Variants in OSBPL10 observed in about 807,000 individuals in gnomAD.
OSBPL10 encodes the protein oxysterol-binding protein-related protein 10.
A neutral mutation model predicts 81.7 loss-of-function variants in OSBPL10; 49 were observed. The observed-to-expected ratio is 0.60, with a 90% confidence interval of 0.48 to 0.76. The LOEUF is 0.76. OSBPL10 is among the 30% of genes least tolerant of loss of function. The pLI is 0.00. For synonymous variants in OSBPL10, 419 were observed against 383.6 expected (o/e 1.09, Z -1.08); for missense variants, 923 against 987.8 (o/e 0.93, Z 0.88).
At chr3:31,764,286 C>T (rs56052453) in intron 4 of OSBPL10, among the ~76,000 whole-genome samples, 4,082 of 152,308 alleles carry the variant, frequency 0.027, 67 homozygotes, top group Non-Finnish European at 0.039. Flanking sequence ...TATCTCTCTC[C>T]ACGGCCCAGC....
intron 1 of OSBPL10, among the ~76,000 whole-genome samples, chr3:31,937,289 AAAAAG>A (rs1697402727): frequency 6.6e-6 from 1 of 152,024 alleles, no homozygotes. Flanking sequence ...AAAAAAAAAA[AAAAAG>A]AAAGAAAGTC....
chr3:31,934,172 T>G (rs186644999), intron 1 of OSBPL10, among the ~76,000 whole-genome samples: 37 of 150,852 alleles, frequency 2.5e-4, no homozygotes, highest in Non-Finnish European at 5.2e-4. Context: ...CTGTTTGTTG[T>G]TTTTACAAAA....
intron 1 of OSBPL10, among the ~76,000 whole-genome samples, chr3:32,067,111 G>C (rs1007513495): frequency 1.3e-5 from 2 of 151,904 alleles, no homozygotes; most frequent in African/African-American, 4.8e-5. Context: ...AAAACTGACT[G>C]TTCTTCTATA....
At chr3:31,910,007 G>T (rs1696528336) in intron 1 of OSBPL10, among the ~76,000 whole-genome samples, 1 of 136,684 alleles carries the variant, frequency 7.3e-6, no homozygotes, top group Admixed American at 7.7e-5. Context: ...TTTTTAGATG[G>T]AACCTTGCTC....
intron 4 of OSBPL10, among the ~76,000 whole-genome samples, chr3:31,801,357 G>A (rs1216005090): frequency 2.6e-5 from 4 of 152,142 alleles, no homozygotes; most frequent in Non-Finnish European, 5.9e-5. Context: ...ATGACTAGAC[G>A]GGAAAAGTCT....
chr3:31,665,376 G>A (rs928490911), intron 10 of OSBPL10, among the ~76,000 whole-genome samples: 1 of 152,004 alleles, frequency 6.6e-6, no homozygotes, highest in Non-Finnish European at 1.5e-5. Context: ...TCACCCAGGG[G>A]CAAGTGAATG....
chr3:31,747,799 A>T, intron 5 of OSBPL10, 111 bp downstream of exon 5: 1 of 1,135,920 alleles, frequency 8.8e-7, no homozygotes. Flanking sequence ...GGATATAAGG[A>T]TAGATGGATG....
At position 31,789,215 on chromosome 3, in the gene OSBPL10, T is replaced by C. The variant is rs561248725; in HGVS notation, c.729+40825A>G. ...CTGGGATTACAGGTGTGAGCCACCATGTCCGGCTAGGATGTTTATTTCATA... is the reference window on the plus strand; with the variant it reads ...CTGGGATTACAGGTGTGAGCCACCACGTCCGGCTAGGATGTTTATTTCATA... On this transcript the variant is annotated intron_variant, in intron 4 of 11. Transcript: ENST00000396556. 8.5e-5 allele frequency among the ~76,000 whole-genome samples: 13 copies of C among 152,318 alleles called. No individual in the cohort carries two copies. In the East Asian group the frequency reaches 2.1e-3, roughly 25 times the overall value.
In OSBPL10 at chr3:31,888,205, C is replaced by T. The variant is rs138305336; in HGVS notation, c.282-8375G>A. Among the ~76,000 whole-genome samples, 954 of 152,220 alleles carry T rather than the reference C, an allele frequency of 6.3e-3. 4 individuals carry two copies. Among genetic ancestry groups the T allele is most frequent in the Non-Finnish European group, 9.9e-3 (671 of 68,004 alleles). ...AGCCAACTGATTTTTGACAAAGGCACCAAAAACATACATCGAGGAAAGCTC... is the reference window on the plus strand; with the variant it reads ...AGCCAACTGATTTTTGACAAAGGCATCAAAAACATACATCGAGGAAAGCTC... On this transcript the variant is annotated intron_variant, in intron 1 of 11. Transcript: ENST00000396556.
chr3:32,004,795 G>T (rs899047528), intron 2 of OSBPL10, among the ~76,000 whole-genome samples: 2 of 152,156 alleles, frequency 1.3e-5, no homozygotes, highest in African/African-American at 4.8e-5. Flanking sequence ...CTAAAACAAT[G>T]CAGGCCATGT....
At chr3:31,986,426 A>G (rs1304532554) in intron 2 of OSBPL10, 1 of 152,164 alleles carries the variant, frequency 6.6e-6, no homozygotes, top group Non-Finnish European at 1.5e-5. Context: ...ACAGTCCACT[A>G]TCCAGTGAAT....
intron 4 of OSBPL10, among the ~76,000 whole-genome samples, chr3:31,823,772 T>A (rs1178116181): frequency 1.3e-5 from 2 of 152,186 alleles, no homozygotes; most frequent in Non-Finnish European, 2.9e-5. Flanking sequence ...TTACAGCACA[T>A]CTCCATTCAT....
chr3:31,910,786 C>T (rs755444273), intron 1 of OSBPL10, among the ~76,000 whole-genome samples: 10 of 152,072 alleles, frequency 6.6e-5, no homozygotes, highest in East Asian at 1.9e-4. Flanking sequence ...TAACAAATGG[C>T]GCCGCTTCCT....
intron 1 of OSBPL10, among the ~76,000 whole-genome samples, chr3:31,908,985 G>A (rs536210619): frequency 5.6e-4 from 85 of 152,172 alleles, no homozygotes; most frequent in Non-Finnish European, 1.2e-3. Context: ...ATTAACTTTA[G>A]GTCACTGGAG....
intron 4 of OSBPL10, among the ~76,000 whole-genome samples, chr3:31,811,990 C>T (rs542809424): frequency 6.6e-6 from 1 of 152,296 alleles, no homozygotes; most frequent in East Asian, 1.9e-4. Flanking sequence ...AACTCCAAAT[C>T]TCACCTGGCC....
At chr3:31,723,984 G>A (rs750219947) in intron 6 of OSBPL10, among the ~76,000 whole-genome samples, 31 of 152,276 alleles carry the variant, frequency 2.0e-4, no homozygotes, top group Middle Eastern at 3.4e-3. Flanking sequence ...AGGAAGCAAG[G>A]GAGCTGTGAA....
At chr3:31,783,848 A>G (rs1698788709) in intron 4 of OSBPL10, among the ~76,000 whole-genome samples, 1 of 124,656 alleles carries the variant, frequency 8.0e-6, no homozygotes, top group African/African-American at 2.9e-5. Flanking sequence ...ATATATATAT[A>G]TATATATATA....
intron 7 of OSBPL10, among the ~76,000 whole-genome samples, chr3:31,693,092 C>A (rs943112303): frequency 3.3e-5 from 5 of 152,186 alleles, no homozygotes; most frequent in African/African-American, 7.2e-5. Flanking sequence ...TGACAGTATA[C>A]TGAAAACCAG....
intron 4 of OSBPL10, 62 bp from the exon 5 acceptor site, chr3:31,748,182 G>A: frequency 2.1e-6 from 3 of 1,462,064 alleles, no homozygotes; most frequent in Non-Finnish European, 2.8e-6. Flanking sequence ...GGCTGGGGAG[G>A]CGGCAGATAA....
Sources: gnomAD v4.1 joint callset for allele counts (sites outside exome capture counted in the v4.1 genomes callset) on GRCh38, gnomAD v4.1.1 for gene constraint, MANE v1.5 for transcripts, NCBI Gene and HGNC (gene_info 2026-07-23, HGNC 2026-07-21) for gene names.